UNC13D: variants seen among roughly 807,000 people sequenced by gnomAD.
UNC13D encodes the protein protein unc-13 homolog D.
In UNC13D, 115 loss-of-function variants were observed where a neutral mutation model predicts 151.7. The observed-to-expected ratio is 0.76, with a 90% CI of 0.65 to 0.88. The LOEUF (loss-of-function observed/expected upper bound fraction) is 0.88, where lower values mean the gene tolerates loss of function less well. Among genes scored for constraint, UNC13D ranks in the 40% least tolerant of loss-of-function variants. UNC13D has a pLI of 0.00. For missense variants in UNC13D, 1,369 were observed against 1,438.7 expected (o/e 0.95, Z 0.78); for synonymous variants, 588 against 612.2 (o/e 0.96, Z 0.58).
Position 75,834,413 on chromosome 17 carries a change from A to G in UNC13D, c.2210T>C (p.Leu737Pro). 6.3e-7 allele frequency: 1 copy of G among 1,580,354 alleles called. No homozygotes were observed. The highest frequency in any genetic ancestry group is 8.5e-7 in the Non-Finnish European group (1 of 1,170,008). ...CAGCTGGGCATGCAGCGTGTTCTGC[A>G]GCTGCCCCTGCTCCAGCACGGCCCC... Reference protein sequence around the residue: ...RVGAVLEQGQLQNTLHAQLQS... With the variant: ...RVGAVLEQGQPQNTLHAQLQS... The change falls in exon 23 of 32, where the codon CTG becomes CCG. Residue 737 changes from leucine (L) to proline (P), a missense_variant. Transcript: ENST00000207549.
intron 30 of UNC13D, 147 bp downstream of exon 30, chr17:75,829,881 A>G: frequency 2.3e-6 from 3 of 1,296,408 alleles, no homozygotes; most frequent in Non-Finnish European, 3.2e-6. Context: ...TCCAGCTGCA[A>G]ACTCTTGTCC....
Position 75,842,568 on chromosome 17 carries a change from C to T in UNC13D, c.434G>A (p.Gly145Asp). 6.2e-7 allele frequency: 1 copy of T among 1,611,628 alleles called. No individual in the cohort carries two copies. The highest frequency in any genetic ancestry group is 8.5e-7 in the Non-Finnish European group (1 of 1,179,136). The change falls in exon 6 of 32, where the codon GGT (glycine) becomes GAT (aspartate). Residue 145 changes from glycine to aspartate, a missense_variant. By Grantham distance (94) the Gly-to-Asp change is moderately conservative (BLOSUM62 -1). This residue lies in a region of UNC13D where 550 missense variants were observed against 609.0 expected (regional missense o/e 0.90). Transcript: ENST00000207549. The part of the protein sequence containing the change: ...YCLLGIEQGV[G>D]VPGGSPGSRH... ...GGACCCGGGGCTGCCCCCTGGCACACCTACCCCCTGCTCAATGCCCAGCAG... is the reference window on the plus strand; with the variant it reads ...GGACCCGGGGCTGCCCCCTGGCACATCTACCCCCTGCTCAATGCCCAGCAG...
chr17:75,835,610 T>G (rs1567818872), intron 19 of UNC13D, 37 bp downstream of exon 19: 1 of 1,612,776 alleles, frequency 6.2e-7, no homozygotes, highest in African/African-American at 1.3e-5. Flanking sequence ...CCCTCCCCTG[T>G]GCCCCTGCAG....
rs112767114 is a variant in UNC13D at position 75,843,592 on chromosome 17, T to A, written c.118-73A>T. 1.1e-5 allele frequency: 18 copies of A among 1,580,024 alleles called. No homozygotes were observed. The African/African-American group carries it at 2.0e-4, about 18-fold the overall frequency. ...CTCAGATGGACAGGAATGGCTCCTC[T>A]GAGGCCTGATCCAGGCCAAGGGTAT... On this transcript the variant is annotated intron_variant, in intron 1 of 31. Coordinates refer to ENST00000207549, the MANE Select transcript of UNC13D (RefSeq NM_199242.3).
rs2143872251 is a variant in UNC13D, at chr17:75,833,373, G to A, written c.2368-328C>T. On this transcript the variant is annotated intron_variant, in intron 24 of 31. Transcript: ENST00000207549. The surrounding 1 kb of genome is among the most constrained non-coding windows in gnomAD (Gnocchi z 4.0). ...CTCCCCTTGCTTCCCGTAGGTCTTC[G>A]CTCAGTTGTCACGGCCTTCCCTGGC... The A allele has an allele frequency of 3.8e-6, 1 of 260,518 alleles. No homozygotes were observed. The highest frequency in any genetic ancestry group is 5.6e-5 in the South Asian group (1 of 18,018). The allele number at this position is 260,518 out of a possible 1,614,324, so 16.1% of individuals were successfully genotyped here.
At position 75,827,732 on chromosome 17, in the gene UNC13D, G is replaced by A; in HGVS notation, c.*233C>T. On this transcript the variant is annotated 3_prime_UTR_variant, in exon 32 of 32. Coordinates refer to ENST00000207549, the MANE Select transcript of UNC13D (RefSeq NM_199242.3). Reference sequence around the variant, plus strand: ...CTCCCCCTGGTGCTGGGATGTGGTAGAGACATTGCAGCCAGGGCTGGAGGC... The same window carrying A: ...CTCCCCCTGGTGCTGGGATGTGGTAAAGACATTGCAGCCAGGGCTGGAGGC... 6.7e-7 allele frequency: 1 copy of A among 1,500,084 alleles called. No individual in the cohort carries two copies. The highest frequency in any genetic ancestry group is 8.9e-7 in the Non-Finnish European group (1 of 1,124,280). The allele number at this position is 1,500,084 out of a possible 1,614,324, so 92.9% of individuals were successfully genotyped here.
Position 75,827,781 on chromosome 17 carries a change from G to A in UNC13D, c.*184C>T, listed in dbSNP as rs1163611168. 7 of 1,479,762 alleles carry A rather than the reference G, an allele frequency of 4.7e-6. No individual in the cohort carries two copies. The highest frequency in any genetic ancestry group is 3.9e-5 in the South Asian group (3 of 75,968). The allele number at this position is 1,479,762 out of a possible 1,614,324, so 91.7% of individuals were successfully genotyped here. Reference sequence around the variant, plus strand: ...GCAGGGAGGCGGGAGTAGAGATGTCGCTGCTGAGCCCCCATCACCATGGGA... The same window carrying A: ...GCAGGGAGGCGGGAGTAGAGATGTCACTGCTGAGCCCCCATCACCATGGGA... On this transcript the variant is annotated 3_prime_UTR_variant, in exon 32 of 32. Transcript: ENST00000207549.
chr17:75,844,354 C>A lies in UNC13D; in HGVS notation c.-17G>T. The A allele has an allele frequency of 1.3e-6, 2 of 1,599,054 alleles. No homozygotes were observed. The highest frequency in any genetic ancestry group is 1.7e-6 in the Non-Finnish European group (2 of 1,173,716). ...TGTCGCCATGGTGGCCTTCTCTGCC[C>A]TTCCCTGTCCGCTGGTGCTGGGTGA... On this transcript the variant is annotated 5_prime_UTR_variant, in exon 1 of 32. The change creates a new upstream start codon in the 5' untranslated region. Transcript: ENST00000207549.
In UNC13D at chr17:75,828,790, TG is replaced by T. The variant is rs1048876742; in HGVS notation, c.3147del (p.Asn1050ThrfsTer22). The stretch of plus-strand genomic sequence containing the variant: ...CCTGCCCTGGGCTCAGGCCTACCGT[TG>T]GGTGCGGGGTACGTGAGGGGCAGGC... ...QTRLPLTYPA[P>X]NGDPILQLLE... On this transcript the variant is annotated frameshift_variant, in exon 31 of 32. Transcript: ENST00000207549. LOFTEE classifies it high-confidence loss of function. 4.5e-6 allele frequency: 7 copies of T among 1,539,810 alleles called. No individual in the cohort carries two copies. The highest frequency in any genetic ancestry group is 5.2e-6 in the Non-Finnish European group (6 of 1,143,030).
rs778237024 is a variant in UNC13D, at chr17:75,836,951, G to A, written c.1056-33C>T. The A allele has an allele frequency of 9.6e-5, 154 of 1,606,770 alleles. No homozygotes were observed. The Admixed American group carries it at 1.3e-3, about 13-fold the overall frequency. On this transcript the variant is annotated intron_variant, in intron 12 of 31. Transcript: ENST00000207549. ...GGACAGGAAGCCCTCAGCTGGACAG[G>A]GAGGAGGAAATTGCCTTCCCCTGTT...
chr17:75,842,027 G>A (rs11870078), intron 6 of UNC13D, among the ~76,000 whole-genome samples: 32,463 of 151,634 alleles, frequency 0.21, 3,528 homozygotes, highest in Non-Finnish European at 0.23. Flanking sequence ...GATTATAGGC[G>A]TGAGCCACCA....
chr17:75,840,295 AG>A lies in UNC13D; in HGVS notation c.787del (p.Leu263TrpfsTer65). 1 of 1,613,844 alleles carries A rather than the reference AG, an allele frequency of 6.2e-7. No individual in the cohort carries two copies. The highest frequency in any genetic ancestry group is 8.5e-7 in the Non-Finnish European group (1 of 1,179,998). On this transcript the variant is annotated frameshift_variant, in exon 10 of 32. Transcript: ENST00000207549. LOFTEE classifies it high-confidence loss of function. The surrounding 1 kb of genome is among the most constrained non-coding windows in gnomAD (Gnocchi z 4.6). ...LRCREDQWYP[L>X]EPRTETYPDR... Reference sequence around the variant, plus strand: ...TGGGTAGGTCTCAGTGCGGGGTTCCAGGGGGTACCACTGGTCCTCTCGGCAG... The same window carrying A: ...TGGGTAGGTCTCAGTGCGGGGTTCCAGGGGTACCACTGGTCCTCTCGGCAG...
rs1423893245 is a variant in UNC13D, at chr17:75,833,720, T to C, written c.2367+355A>G. On this transcript the variant is annotated intron_variant, in intron 24 of 31. Transcript: ENST00000207549. This position sits in a 1 kb window ranked among gnomAD's most constrained non-coding sequence, Gnocchi z 4.0. ...GTTGGTGAATGAATGAATATCCTTC[T>C]ACCCGCCAGTCGAAGGTGTGCATCA... Among the ~76,000 whole-genome samples, 4 of 152,220 alleles carry C rather than the reference T, an allele frequency of 2.6e-5. No homozygotes were observed. The highest frequency in any genetic ancestry group is 6.5e-5 in the Admixed American group (1 of 15,286).
chr17:75,828,066 G>A lies in UNC13D; in HGVS notation c.3172C>T (p.Leu1058=). Reference sequence around the variant, plus strand: ...TCTCGGTCACCCTTCCGGCCCTCCAGCAGCTGCAGGATTGGGTCCCCTGCG... The same window carrying A: ...TCTCGGTCACCCTTCCGGCCCTCCAACAGCTGCAGGATTGGGTCCCCTGCG... ...APNGDPILQL[L]EGRKGDREAQ... The change falls in exon 32 of 32, where the codon CTG becomes TTG. Residue 1058 remains leucine, a synonymous_variant. Transcript: ENST00000207549. The A allele has an allele frequency of 6.4e-7, 1 of 1,573,946 alleles. No individual in the cohort carries two copies.
Position 75,843,241 on chromosome 17 carries a change from AGT to A in UNC13D, c.177_178del (p.Tyr61HisfsTer10), listed in dbSNP as rs1234936765. The A allele has an allele frequency of 1.2e-6, 2 of 1,609,906 alleles. No homozygotes were observed. Among genetic ancestry groups the A allele is most frequent in the Non-Finnish European group, 8.5e-7 (1 of 1,179,904 alleles). On this transcript the variant is annotated frameshift_variant, in exon 3 of 32. Coordinates refer to ENST00000207549, the MANE Select transcript of UNC13D (RefSeq NM_199242.3). LOFTEE classifies it high-confidence loss of function. ...ACCCAGGCGGTGCAAGACAGTGTAG[AGT>A]GCGTCCTCGTAGAGCAGGGCCCGCT...
In UNC13D at chr17:75,840,824, C is replaced by G; in HGVS notation, c.621G>C (p.Leu207=). 6.2e-7 allele frequency: 1 copy of G among 1,614,056 alleles called. No homozygotes were observed. The change falls in exon 8 of 32, where the codon CTG becomes CTC. Residue 207 remains leucine, a synonymous_variant. Transcript: ENST00000207549. The surrounding 1 kb of genome is among the most constrained non-coding windows in gnomAD (Gnocchi z 4.6). ...NASFHLDMWD[L]DTVESVRQKL... ...TCTGTCGGACAGACTCCACAGTGTC[C>G]AGGTCCCTGGCAGGACAGAGGTTTG...
In UNC13D at chr17:75,836,252, C is replaced by T; in HGVS notation, c.1394G>A (p.Gly465Asp). Residue 465 changes from glycine to aspartate, a missense_variant, in exon 16 of 32, where the codon GGC becomes GAC. Transcript: ENST00000207549. ...CTTCAGGTGGAACCATTCAGTGGTG[C>T]CAGTCTGTCGACAAAGAGGCAGTGA... Reference protein sequence around the residue: ...PQLVTEALQTGTTEWFHLKQQ... With the variant: ...PQLVTEALQTDTTEWFHLKQQ... The T allele has an allele frequency of 6.2e-7, 1 of 1,612,702 alleles. No homozygotes were observed. The highest frequency in any genetic ancestry group is 8.5e-7 in the Non-Finnish European group (1 of 1,179,614).
At position 75,833,907 on chromosome 17, in the gene UNC13D, A is replaced by T. The variant is rs945209018; in HGVS notation, c.2367+168T>A. On this transcript the variant is annotated intron_variant, in intron 24 of 31. Transcript: ENST00000207549. The surrounding 1 kb of genome is among the most constrained non-coding windows in gnomAD (Gnocchi z 4.0). ...CTGTCAGTGCTGGGACAGCCAGTGGAGTGACCCAACCCGTTCCTGTGAGCA... is the reference window on the plus strand; with the variant it reads ...CTGTCAGTGCTGGGACAGCCAGTGGTGTGACCCAACCCGTTCCTGTGAGCA... Among the ~76,000 whole-genome samples, 2 of 152,148 alleles carry T rather than the reference A, an allele frequency of 1.3e-5. No individual in the cohort carries two copies. The highest frequency in any genetic ancestry group is 2.4e-5 in the African/African-American group (1 of 41,436).
Position 75,839,862 on chromosome 17 carries a change from T to C in UNC13D, c.1032A>G (p.Leu344=), listed in dbSNP as rs779488594. Residue 344 remains leucine, a synonymous_variant, in exon 12 of 32, where the codon CTA becomes CTG. Transcript: ENST00000207549. The stretch of plus-strand genomic sequence containing the variant: ...ACGCCATGGACTGGTGGAAGTCGGA[T>C]AGGTCCTTCTGTGTGGCGTGCAGAA... ...VLFLHATQKD[L]SDFHQSMAQW... 1.2e-5 allele frequency: 20 copies of C among 1,613,790 alleles called. No homozygotes were observed. Among genetic ancestry groups the C allele is most frequent in the Admixed American group, 6.7e-5 (4 of 59,994 alleles).
Sources: allele counts gnomAD v4.1 joint callset (sites outside exome capture counted in the v4.1 genomes callset), GRCh38; gene constraint gnomAD v4.1.1; regional missense constraint gnomAD v4.1.1; non-coding constraint Gnocchi (gnomAD v3.1); transcripts MANE v1.5; gene names NCBI Gene and HGNC (gene_info 2026-07-23, HGNC 2026-07-21).